ATG7: variants seen among roughly 807,000 people sequenced by gnomAD.
The protein encoded by ATG7 is ubiquitin-like modifier-activating enzyme ATG7.
In ATG7, 70 loss-of-function variants were observed where a neutral mutation model predicts 82.4. The observed-to-expected ratio is 0.85, with a 90% CI of 0.70 to 1.04. ATG7 has a LOEUF of 1.04. Ranked by LOEUF, ATG7 falls within the 50% of genes least tolerant of loss-of-function variation. The probability of loss-of-function intolerance (pLI) is 0.00; values close to 1 mark genes in which losing one functional copy is unlikely to be tolerated. For missense variants in ATG7, 792 were observed against 864.3 expected (o/e 0.92, Z 1.05); for synonymous variants, 287 against 313.0 (o/e 0.92, Z 0.88).
rs796733377 is a variant in ATG7, at chr3:11,417,800, ATTTTATT to A, written c.1957-9001_1957-8995del. Reference sequence around the variant, plus strand: ...CATTTAAAAAATTATTATTATTATTATTTTATTTTATTTTATTTTTTTTTTTTTTGAG... The same window carrying A: ...CATTTAAAAAATTATTATTATTATTATTATTTTATTTTTTTTTTTTTTGAG... On this transcript the variant is annotated intron_variant, in intron 19 of 20. Transcript: ENST00000693202. Among the ~76,000 whole-genome samples the A allele has an allele frequency of 9.0e-3, 984 of 109,324 alleles. 27 individuals carry two copies. Among genetic ancestry groups the A allele is most frequent in the Non-Finnish European group, 0.01 (555 of 53,110 alleles). 71.7% of individuals were successfully genotyped at this position (109,324 alleles called of 152,430 possible).
At chr3:11,546,359 A>G (rs551574383) in intron 20 of ATG7, among the ~76,000 whole-genome samples, 1 of 151,832 alleles carries the variant, frequency 6.6e-6, no homozygotes, top group Non-Finnish European at 1.5e-5. Flanking sequence ...TTTAGTAGAG[A>G]GGGGGTTTTG....
intron 20 of ATG7, among the ~76,000 whole-genome samples, chr3:11,521,045 T>C (rs1044751021): frequency 2.0e-5 from 3 of 152,158 alleles, no homozygotes; most frequent in Non-Finnish European, 2.9e-5. Context: ...CTGTAGACCA[T>C]TGGGTTCCCA....
At position 11,425,596 on chromosome 3, in the gene ATG7, A is replaced by T. The variant is rs1314146225; in HGVS notation, c.1957-1208A>T. Among the ~76,000 whole-genome samples the T allele has an allele frequency of 2.0e-5, 3 of 152,160 alleles. No individual in the cohort carries two copies. In the South Asian group the frequency reaches 6.2e-4, roughly 32 times the overall value. On this transcript the variant is annotated intron_variant, in intron 19 of 20. Transcript: ENST00000693202. ...CACTGAATTCCTAAATGTGATACTC[A>T]TTGTTTCTAAGAACTCTTTACTGTT...
At chr3:11,314,779 AC>A (rs60468692) in intron 8 of ATG7, among the ~76,000 whole-genome samples, 152,200 of 152,200 alleles carry the variant, frequency 1, 76,100 homozygotes, top group Non-Finnish European at 1. Flanking sequence ...TATAAAAAAT[AC>A]CAAAAAAGTT....
At chr3:11,290,579 T>C (rs1944811604) in intron 3 of ATG7, 1 of 349,878 alleles carries the variant, frequency 2.9e-6, no homozygotes, top group Admixed American at 3.3e-5. Flanking sequence ...CCAGCCAACC[T>C]CATGAACCAG....
rs373155999 is a variant in ATG7 at position 11,537,112 on chromosome 3, C to G, written c.2080-17699C>G. On this transcript the variant is annotated intron_variant, in intron 20 of 20. Coordinates refer to ENST00000693202, the MANE Select transcript of ATG7 (RefSeq NM_001349232.2). ...ACCCAGCCACGTGCTCTGCTGTCAGCCCCCCGGAGCCCCTGGGATCTTTGC... is the reference window on the plus strand; with the variant it reads ...ACCCAGCCACGTGCTCTGCTGTCAGGCCCCCGGAGCCCCTGGGATCTTTGC... 1.4e-4 allele frequency among the ~76,000 whole-genome samples: 22 copies of G among 152,212 alleles called. No individual in the cohort carries two copies. In the South Asian group the frequency reaches 4.4e-3, roughly 30 times the overall value.
rs1954797252 is a variant in ATG7, at chr3:11,347,870, C to T, written c.1126-7C>T. 1 of 1,610,842 alleles carries T rather than the reference C, an allele frequency of 6.2e-7. No homozygotes were observed. The highest frequency in any genetic ancestry group is 1.3e-5 in the African/African-American group (1 of 74,830). The stretch of plus-strand genomic sequence containing the variant: ...GAAACACACCATGATCTCCTGTTTC[C>T]ACACAGGGTTGGGGCGTGAGACACA... On this transcript the variant is annotated splice_region_variant and splice_polypyrimidine_tract_variant and intron_variant, in intron 13 of 20. Transcript: ENST00000693202.
chr3:11,446,368 A>G (rs1484403866), intron 20 of ATG7: 2 of 283,172 alleles, frequency 7.1e-6, no homozygotes, highest in Non-Finnish European at 1.4e-5. Context: ...TGAATTAAGT[A>G]TGCCAGAGAC....
intron 19 of ATG7, among the ~76,000 whole-genome samples, chr3:11,416,299 G>A (rs1025591752): frequency 3.3e-5 from 5 of 152,138 alleles, no homozygotes; most frequent in Admixed American, 1.3e-4. Flanking sequence ...TTTCTTAAAT[G>A]TTTGGCAGAA....
chr3:11,344,033 A>G (rs568306121), intron 13 of ATG7, among the ~76,000 whole-genome samples: 8 of 152,196 alleles, frequency 5.3e-5, no homozygotes, highest in African/African-American at 1.7e-4. Flanking sequence ...GGGTTTAAAT[A>G]TGGTATTTCT....
intron 15 of ATG7, among the ~76,000 whole-genome samples, chr3:11,359,072 A>G (rs1162722576): frequency 6.6e-6 from 1 of 152,170 alleles, no homozygotes; most frequent in African/African-American, 2.4e-5. Flanking sequence ...AGGAAGATAC[A>G]ATATTGTATA....
intron 16 of ATG7, among the ~76,000 whole-genome samples, chr3:11,361,782 C>G (rs1462844614): frequency 6.6e-6 from 1 of 152,190 alleles, no homozygotes; most frequent in East Asian, 1.9e-4. Context: ...AACAGCAAGA[C>G]TACACTGTAC....
intron 20 of ATG7, among the ~76,000 whole-genome samples, chr3:11,447,540 G>C (rs1366418340): frequency 6.6e-6 from 1 of 151,886 alleles, no homozygotes; most frequent in Non-Finnish European, 1.5e-5. Flanking sequence ...AAGGACTCTA[G>C]ATGGGGGCAT....
intron 20 of ATG7, among the ~76,000 whole-genome samples, chr3:11,473,015 CAAT>C (rs2087723445): frequency 6.6e-6 from 1 of 152,082 alleles, no homozygotes; most frequent in South Asian, 2.1e-4. Flanking sequence ...TGTAACTAAT[CAAT>C]GATTTCTGAC....
the ATG7 span, among the ~76,000 whole-genome samples, chr3:11,570,846 C>T: frequency 3.3e-5 from 5 of 152,206 alleles, no homozygotes; most frequent in Admixed American, 3.3e-4. Context: ...CCACAACACA[C>T]ACACAGGAGT....
At chr3:11,483,634 C>T (rs879753397) in intron 20 of ATG7, among the ~76,000 whole-genome samples, 6 of 152,108 alleles carry the variant, frequency 3.9e-5, no homozygotes, top group Non-Finnish European at 7.4e-5. Flanking sequence ...TATTCAAATC[C>T]TTGTATATAG....
intron 20 of ATG7, among the ~76,000 whole-genome samples, chr3:11,472,567 G>A (rs895923014): frequency 2.0e-5 from 3 of 152,112 alleles, no homozygotes; most frequent in Admixed American, 6.5e-5. Context: ...TAGAAAACCG[G>A]TGAGTTTATC....
intron 19 of ATG7, among the ~76,000 whole-genome samples, chr3:11,404,850 C>T (rs6791527): frequency 0.21 from 31,874 of 151,784 alleles, 3,785 homozygotes; most frequent in South Asian, 0.35. Context: ...ATCATGAGAA[C>T]GGCATGAGAA....
intron 20 of ATG7, among the ~76,000 whole-genome samples, chr3:11,473,748 C>A (rs1290330668): frequency 6.6e-6 from 1 of 152,134 alleles, no homozygotes; most frequent in East Asian, 1.9e-4. Context: ...TATCTTTGAA[C>A]CTGACTGGGA....
Sources: allele counts gnomAD v4.1 joint callset (sites outside exome capture counted in the v4.1 genomes callset), GRCh38; gene constraint gnomAD v4.1.1; transcripts MANE v1.5; gene names NCBI Gene and HGNC (gene_info 2026-07-23, HGNC 2026-07-21).